UGT1A8: variants seen among roughly 807,000 people sequenced by gnomAD.
The protein encoded by UGT1A8 is UDP glucuronosyltransferase family 1 member A8.
UGT1A8 carries 39 observed loss-of-function variants against 45.3 expected under a neutral mutation model. The observed-to-expected ratio is 0.86, with a 90% confidence interval of 0.67 to 1.12. The LOEUF (loss-of-function observed/expected upper bound fraction) is 1.12. Ranked by LOEUF, UGT1A8 falls within the 50% of genes most tolerant of loss-of-function variation. The probability of loss-of-function intolerance (pLI) is 0.00; values close to 1 mark genes in which losing one functional copy is unlikely to be tolerated. For missense variants in UGT1A8, 719 were observed against 664.9 expected (o/e 1.08, Z -0.90); for synonymous variants, 275 against 249.2 (o/e 1.10, Z -0.97).
intron 1 of UGT1A8, among the ~76,000 whole-genome samples, chr2:233,680,696 T>G (rs950458533): frequency 2.0e-5 from 3 of 152,096 alleles, no homozygotes; most frequent in African/African-American, 4.8e-5. Flanking sequence ...TGAAAACAGG[T>G]AGAAGATGTA....
chr2:233,689,876 C>G (rs1405417025), intron 1 of UGT1A8: 1 of 456,446 alleles, frequency 2.2e-6, no homozygotes, highest in Non-Finnish European at 4.4e-6. Context: ...TCTTGCTTAT[C>G]AAGTGCCTTA....
Position 233,773,040 on chromosome 2 carries a change from C to T in UGT1A8, c.*481C>T, listed in dbSNP as rs1347868003. On this transcript the variant is annotated 3_prime_UTR_variant, in exon 5 of 5. Coordinates refer to ENST00000373450, the MANE Select transcript of UGT1A8 (RefSeq NM_019076.5). ...ACCTTGTGTGTTTAAAGAAGGGAAGCTTTGTACCTTTAGAGTGTAGGTGAA... is the reference window on the plus strand; with the variant it reads ...ACCTTGTGTGTTTAAAGAAGGGAAGTTTTGTACCTTTAGAGTGTAGGTGAA... The T allele has an allele frequency of 5.1e-6, 1 of 194,624 alleles. No individual in the cohort carries two copies. Among genetic ancestry groups the T allele is most frequent in the Non-Finnish European group, 1.1e-5 (1 of 93,038 alleles). 12.1% of individuals were successfully genotyped at this position (194,624 alleles called of 1,614,324 possible).
At chr2:233,741,008 GC>G (rs1212205801) in intron 1 of UGT1A8, 3 of 151,722 alleles carry the variant, frequency 2.0e-5, no homozygotes, top group Admixed American at 6.6e-5. Flanking sequence ...GATCACTTGA[GC>G]CCAGGAATTC....
intron 1 of UGT1A8, chr2:233,743,521 C>T (rs777952241): frequency 4.4e-6 from 6 of 1,367,160 alleles, no homozygotes; most frequent in Non-Finnish European, 5.9e-6. Flanking sequence ...TCTGCTTCTG[C>T]TTCCCCAGCA....
intron 1 of UGT1A8, among the ~76,000 whole-genome samples, chr2:233,620,619 T>C (rs1014306199): frequency 6.6e-6 from 1 of 152,216 alleles, no homozygotes; most frequent in African/African-American, 2.4e-5. Flanking sequence ...TTAAAGAATA[T>C]ATATGTATGA....
At chr2:233,700,348 T>C (rs1340471212) in intron 1 of UGT1A8, among the ~76,000 whole-genome samples, 1 of 152,336 alleles carries the variant, frequency 6.6e-6, no homozygotes, top group East Asian at 1.9e-4. Flanking sequence ...ACCCTGTGCT[T>C]ATCTTTATGG....
chr2:233,630,900 T>A (rs2073175774), intron 1 of UGT1A8, among the ~76,000 whole-genome samples: 1 of 151,398 alleles, frequency 6.6e-6, no homozygotes, highest in South Asian at 2.1e-4. Context: ...GTTTGTTACA[T>A]AGGTATACAC....
chr2:233,640,317 T>C (rs916323386), intron 1 of UGT1A8, among the ~76,000 whole-genome samples: 3 of 152,212 alleles, frequency 2.0e-5, no homozygotes, highest in African/African-American at 7.2e-5. Flanking sequence ...TATTCTGACC[T>C]TTTAAAGAAA....
intron 1 of UGT1A8, among the ~76,000 whole-genome samples, chr2:233,638,902 G>T (rs899083794): frequency 6.6e-6 from 1 of 152,212 alleles, no homozygotes; most frequent in African/African-American, 2.4e-5. Flanking sequence ...GCGAGGAGAT[G>T]CAAGTTGCAG....
rs936564729 is a variant in UGT1A8, at chr2:233,733,619, C to T, written c.856-33415C>T. ...GTGATGGATTACATTTATTGATTTG[C>T]ATATGTTGAACCAGCCTTGCATCCC... On this transcript the variant is annotated intron_variant, in intron 1 of 4. Coordinates refer to ENST00000373450, the MANE Select transcript of UGT1A8 (RefSeq NM_019076.5). Among the ~76,000 whole-genome samples, 7 of 152,296 alleles carry T rather than the reference C, an allele frequency of 4.6e-5. No homozygotes were observed. In the Middle Eastern group the frequency reaches 0.014, roughly 296 times the overall value.
rs559404302 is a variant in UGT1A8 at position 233,618,142 on chromosome 2, G to A, written c.435G>A (p.Val145=). The A allele has an allele frequency of 1.5e-5, 25 of 1,614,076 alleles. 1 individual carries two copies. In the South Asian group the frequency reaches 2.0e-4, roughly 13 times the overall value. The change falls in exon 1 of 5, where the codon GTG becomes GTA. Residue 145 remains valine, a synonymous_variant. Coordinates refer to ENST00000373450, the MANE Select transcript of UGT1A8 (RefSeq NM_019076.5). The stretch of plus-strand genomic sequence containing the variant: ...TAAAGGAGAGTTCTTTTGATGCGGT[G>A]TTTCTTGATCCTTTTGATGCCTGTG... ...EYLKESSFDA[V]FLDPFDACGL...
Position 233,768,224 on chromosome 2 carries a change from C to T in UGT1A8, c.1080C>T (p.His360=), listed in dbSNP as rs758090189. The change falls in exon 4 of 5, where the codon CAC becomes CAT. Residue 360 remains histidine (H), a synonymous_variant. Coordinates refer to ENST00000373450, the MANE Select transcript of UGT1A8 (RefSeq NM_019076.5). ...CCTCCCTATTTTGCATCTCAGGTCA[C>T]CCGATGACCCGTGCCTTTATCACCC... ...KWLPQNDLLG[H]PMTRAFITHA... is the part of the protein sequence containing the mutation. 13 of 1,614,174 alleles carry T rather than the reference C, an allele frequency of 8.1e-6. No individual in the cohort carries two copies. The highest frequency in any genetic ancestry group is 1.3e-5 in the African/African-American group (1 of 75,028).
rs778641747 is a variant in UGT1A8 at position 233,768,443 on chromosome 2, A to G, written c.1295+4A>G. 8.1e-6 allele frequency: 13 copies of G among 1,613,284 alleles called. No homozygotes were observed. In the South Asian group the frequency reaches 1.4e-4, roughly 18 times the overall value. On this transcript the variant is annotated splice_donor_region_variant and intron_variant, in intron 4 of 4. Transcript: ENST00000373450. Reference sequence around the variant, plus strand: ...AAGCAGTCATCAATGACAAAAGGTAAGAAAGAAGATACAGAAGAATACTTT... The same window carrying G: ...AAGCAGTCATCAATGACAAAAGGTAGGAAAGAAGATACAGAAGAATACTTT...
At chr2:233,631,177 T>C (rs2125454628) in intron 1 of UGT1A8, among the ~76,000 whole-genome samples, 1 of 152,312 alleles carries the variant, frequency 6.6e-6, no homozygotes, top group African/African-American at 2.4e-5. Context: ...AATGCATCCT[T>C]TTTAATGGCT....
chr2:233,729,753 A>C (rs1211638875), intron 1 of UGT1A8: 1 of 1,613,964 alleles, frequency 6.2e-7, no homozygotes, highest in Non-Finnish European at 8.5e-7. Flanking sequence ...CATTCATGCA[A>C]AGGGTCAAGA....
chr2:233,656,212 G>A (rs1426534431), intron 1 of UGT1A8, among the ~76,000 whole-genome samples: 1 of 152,180 alleles, frequency 6.6e-6, no homozygotes, highest in Non-Finnish European at 1.5e-5. Context: ...ACCCTGGGGT[G>A]GAGACATCAT....
chr2:233,744,046 C>G, intron 1 of UGT1A8: 1 of 729,302 alleles, frequency 1.4e-6, no homozygotes, highest in Non-Finnish European at 1.9e-6. Flanking sequence ...GCAGCCACAT[C>G]TCATTGGTCG....
chr2:233,765,208 G>C (rs1325678271), intron 1 of UGT1A8, among the ~76,000 whole-genome samples: 1 of 152,132 alleles, frequency 6.6e-6, no homozygotes, highest in Non-Finnish European at 1.5e-5. Flanking sequence ...AGTGCCCTCA[G>C]TATTCTTTGC....
intron 1 of UGT1A8, among the ~76,000 whole-genome samples, chr2:233,660,212 CCTT>C (rs1389852467): frequency 1.1e-4 from 17 of 152,184 alleles, no homozygotes; most frequent in Non-Finnish European, 2.5e-4. Context: ...ACAGTGTAAT[CCTT>C]CTAGATTTTC....
Sources: allele counts gnomAD v4.1 joint callset (sites outside exome capture counted in the v4.1 genomes callset), GRCh38; gene constraint gnomAD v4.1.1; transcripts MANE v1.5; gene names NCBI Gene and HGNC (gene_info 2026-07-23, HGNC 2026-07-21).